The following REPS2 variants were observed in gnomAD, a reference collection of about 807,000 sequenced individuals.
REPS2 encodes the protein RALBP1 associated Eps domain containing 2, also known as ralBP1-associated Eps domain-containing protein 2.
A neutral mutation model predicts 53.6 loss-of-function variants in REPS2; 23 were observed. The observed-to-expected ratio is 0.43, with a 90% CI of 0.31 to 0.61. The LOEUF is 0.61. Ranked by LOEUF, REPS2 falls within the 20% of genes least tolerant of loss-of-function variation. REPS2 has a pLI of 0.11. For missense variants in REPS2, 446 were observed against 534.9 expected, an observed-to-expected ratio of 0.83 and a Z score of 1.64; for synonymous variants, 238 against 218.6, an observed-to-expected ratio of 1.09 and a Z score of -0.78.
At chrX:17,123,862 G>T (rs908282964) in intron 14 of REPS2, among the ~76,000 whole-genome samples, 7 of 112,136 alleles carry the variant, frequency 6.2e-5, no homozygotes, top group Non-Finnish European at 1.1e-4. Context: ...CATCTGTTTG[G>T]CAAGGAGGAA....
At chrX:17,137,330 T>C (rs1208992594) in intron 16 of REPS2, 3 of 112,078 alleles carry the variant, frequency 2.7e-5, no homozygotes, top group Non-Finnish European at 5.6e-5. Context: ...CTAGTGAGTG[T>C]GAAGTGTGAT....
intron 14 of REPS2, 38 bp from the exon 15 acceptor site, chrX:17,133,786 T>C (rs774703340): frequency 1.8e-6 from 2 of 1,108,212 alleles, no homozygotes; most frequent in South Asian, 1.8e-5. Context: ...GTGATTGTGG[T>C]TTTGCATTTC....
At chrX:17,191,242 A>G in the REPS2 span, among the ~76,000 whole-genome samples, 1 of 111,915 alleles carries the variant, frequency 8.9e-6, no homozygotes, top group East Asian at 2.8e-4. Context: ...TATACAAAGA[A>G]CTCTCCAAAT....
intron 2 of REPS2, 51 bp from the exon 3 acceptor site, chrX:17,022,072 C>T (rs2061584162): frequency 9.0e-7 from 1 of 1,108,687 alleles, no homozygotes; most frequent in Non-Finnish European, 1.2e-6. Flanking sequence ...CCCTTTTTTG[C>T]AGTTTTTAAA....
chrX:17,074,276 G>A lies in REPS2; in HGVS notation c.1379+117G>A, dbSNP rs190120898. Reference sequence around the variant, plus strand: ...CCTCTTCCTTTAGATGTAAAGCTTAGGATATGAGCCATTTCGCTCGTGCAT... The same window carrying A: ...CCTCTTCCTTTAGATGTAAAGCTTAAGATATGAGCCATTTCGCTCGTGCAT... On this transcript the variant is annotated intron_variant, in intron 12 of 17. Coordinates refer to ENST00000357277, the MANE Select transcript of REPS2 (RefSeq NM_004726.3). 55 of 665,141 alleles carry A rather than the reference G, an allele frequency of 8.3e-5. No homozygotes were observed. The African/African-American group carries it at 9.2e-4, about 11-fold the overall frequency. 54.8% of individuals were successfully genotyped at this position (665,141 alleles called of 1,213,427 possible).
At chrX:17,024,923 T>G in intron 3 of REPS2, 136 bp from the exon 4 acceptor site, 2 of 897,906 alleles carry the variant, frequency 2.2e-6, no homozygotes, top group Non-Finnish European at 3.2e-6. Context: ...CCATGCTGCA[T>G]TTTTGAGAAA....
rs192951998 is a variant in REPS2, at chrX:17,147,488, C to T, written c.*7C>T. ...TCCGGTCACTGTGTTGTGACCCCCC[C>T]ATGGTTCAAGTGACAGTGGGTGACC... On this transcript the variant is annotated 3_prime_UTR_variant, in exon 18 of 18. Transcript: ENST00000357277. 2 of 1,184,446 alleles carry T rather than the reference C, an allele frequency of 1.7e-6. No homozygotes were observed. The highest frequency in any genetic ancestry group is 6.0e-5 in the East Asian group (2 of 33,448).
At chrX:17,062,915 A>G (rs2062176918) in intron 9 of REPS2, among the ~76,000 whole-genome samples, 1 of 112,247 alleles carries the variant, frequency 8.9e-6, no homozygotes. Context: ...TTGGGCATTA[A>G]TAAGCTATAC....
intron 1 of REPS2, among the ~76,000 whole-genome samples, chrX:16,983,809 A>G (rs73454437): frequency 0.43 from 48,098 of 111,565 alleles, 7,782 homozygotes; most frequent in Middle Eastern, 0.57. Flanking sequence ...CCGGCCCTCC[A>G]TTTTGTTTTT....
rs1403546963 is a variant in REPS2 at position 16,947,035 on chromosome X, C to A, written c.174C>A (p.Pro58=). 5.0e-6 allele frequency: 5 copies of A among 992,264 alleles called. No homozygotes were observed. The East Asian group carries it at 1.3e-4, about 26-fold the overall frequency. The allele number at this position is 992,264 out of a possible 1,213,427, so 81.8% of individuals were successfully genotyped here. ...AAGGGPGSGP[P]EAARVAPGTA... is the part of the protein sequence containing the mutation. ...GCGGGGGCCCCGGGTCTGGGCCCCCCGAGGCCGCCAGAGTCGCCCCCGGCA... is the reference window on the plus strand; with the variant it reads ...GCGGGGGCCCCGGGTCTGGGCCCCCAGAGGCCGCCAGAGTCGCCCCCGGCA... Residue 58 remains proline, a synonymous_variant, in exon 1 of 18, where the codon CCC becomes CCA. Coordinates refer to ENST00000357277, the MANE Select transcript of REPS2 (RefSeq NM_004726.3).
chrX:17,060,218 G>A (rs1218477396), intron 8 of REPS2, among the ~76,000 whole-genome samples: 1 of 110,885 alleles, frequency 9.0e-6, no homozygotes. Context: ...CAGGAGAATT[G>A]CTTGAACCTG....
Position 17,152,442 on chromosome X carries a change from C to G in REPS2, c.*4961C>G, listed in dbSNP as rs917373638. On this transcript the variant is annotated 3_prime_UTR_variant, in exon 18 of 18. Coordinates refer to ENST00000357277, the MANE Select transcript of REPS2 (RefSeq NM_004726.3). ...CATTTTTTCATGTTTTGTGAATACT[C>G]TGGTCTTGCTGTAAGCTAATGTCAT... 1 of 112,320 alleles carries G rather than the reference C, an allele frequency of 8.9e-6. No homozygotes were observed. The highest frequency in any genetic ancestry group is 1.9e-5 in the Non-Finnish European group (1 of 53,234). The allele number at this position is 112,320 out of a possible 1,213,427, so 9.3% of individuals were successfully genotyped here. A position where few individuals can be genotyped will look rare whatever the true frequency, so the allele number is the denominator to read the frequency against.
the REPS2 span, among the ~76,000 whole-genome samples, chrX:17,169,187 C>A: frequency 8.9e-6 from 1 of 112,165 alleles, no homozygotes; most frequent in African/African-American, 3.2e-5. Context: ...AAGCTCAGTG[C>A]AAATTGTGAC....
intron 5 of REPS2, among the ~76,000 whole-genome samples, chrX:17,030,574 G>T (rs190741667): frequency 0.011 from 1,243 of 111,877 alleles, 52 homozygotes; most frequent in Admixed American, 0.1. Context: ...TCTGGGGATG[G>T]GGCACTGTGT....
intron 1 of REPS2, among the ~76,000 whole-genome samples, chrX:16,996,170 A>G (rs1302882658): frequency 9.0e-6 from 1 of 111,446 alleles, no homozygotes; most frequent in African/African-American, 3.3e-5. Context: ...ACCAAGCCTT[A>G]AAGTGATGAG....
At chrX:16,968,937 C>G (rs1280502538) in intron 1 of REPS2, among the ~76,000 whole-genome samples, 1 of 109,548 alleles carries the variant, frequency 9.1e-6, no homozygotes, top group Non-Finnish European at 1.9e-5. Flanking sequence ...GACGGGGCGG[C>G]TGCCGGGCGG....
At chrX:17,171,012 T>G in the REPS2 span, among the ~76,000 whole-genome samples, 1 of 112,976 alleles carries the variant, frequency 8.9e-6, no homozygotes, top group Non-Finnish European at 1.9e-5. Context: ...ACTCCATCTG[T>G]CTGGCTGGCA....
At chrX:17,184,209 T>TG in the REPS2 span, among the ~76,000 whole-genome samples, 1 of 79,425 alleles carries the variant, frequency 1.3e-5, no homozygotes, top group African/African-American at 5.0e-5. Context: ...CCCCAGAGTG[T>TG]GATGTTCCCC....
At chrX:17,110,552 C>T (rs986578546) in intron 14 of REPS2, among the ~76,000 whole-genome samples, 4 of 104,464 alleles carry the variant, frequency 3.8e-5, no homozygotes, top group Non-Finnish European at 5.8e-5. Context: ...ATTAGCCGGG[C>T]GGGGTGGCAG....
Sources: gnomAD v4.1 joint callset for allele counts (sites outside exome capture counted in the v4.1 genomes callset) on GRCh38, gnomAD v4.1.1 for gene constraint, MANE v1.5 for transcripts, NCBI Gene and HGNC (gene_info 2026-07-23, HGNC 2026-07-21) for gene names.